The following MYL6B variants were observed in gnomAD, a reference collection of about 807,000 sequenced individuals.
The protein encoded by MYL6B is myosin alkali light chain 1 slow a.
A neutral mutation model predicts 24.5 loss-of-function variants in MYL6B; 19 were observed. The ratio of observed to expected loss-of-function variants is 0.78; its 90% CI spans 0.54 to 1.14. The LOEUF (loss-of-function observed/expected upper bound fraction) is 1.14, where lower values mean the gene tolerates loss of function less well. Among genes scored for constraint, MYL6B ranks in the 50% most tolerant of loss-of-function variants. The pLI is 0.00. For synonymous variants in MYL6B, 90 were observed against 100.7 expected, an observed-to-expected ratio of 0.89 and a Z score of 0.64; for missense variants, 230 against 263.8, an observed-to-expected ratio of 0.87 and a Z score of 0.89.
intron 5 of MYL6B, chr12:56,156,039 C>T: frequency 9.0e-7 from 1 of 1,105,190 alleles, no homozygotes. Flanking sequence ...GGTATGGTGG[C>T]TCACGCCTGT....
At chr12:56,153,550 T>TC in intron 1 of MYL6B, 1 of 901,572 alleles carries the variant, frequency 1.1e-6, no homozygotes, top group Non-Finnish European at 1.3e-6. Context: ...AGCTGCTGGA[T>TC]CACCTGCTTT....
chr12:56,156,622 A>C (rs1871318009), intron 5 of MYL6B, among the ~76,000 whole-genome samples: 1 of 151,850 alleles, frequency 6.6e-6, no homozygotes, highest in African/African-American at 2.4e-5. Context: ...GCAAAACAGC[A>C]TGGGCTGGCC....
intron 1 of MYL6B, 74 bp downstream of exon 1, chr12:56,152,705 T>TGTGG (rs1871149112): frequency 6.6e-6 from 1 of 151,752 alleles, no homozygotes; most frequent in Non-Finnish European, 1.5e-5. Context: ...TGTGTGTGTG[T>TGTGG]GTGTGTCGTG....
intron 2 of MYL6B, 129 bp from the exon 3 acceptor site, chr12:56,154,684 A>G (rs1871238754): frequency 1.0e-6 from 1 of 979,466 alleles, no homozygotes; most frequent in East Asian, 2.4e-5. Flanking sequence ...AATGGGACTG[A>G]GGTGGCTGGG....
exon 7 of MYL6B, chr12:56,157,912 A>G: frequency 1.6e-6 from 1 of 644,628 alleles, no homozygotes; most frequent in Non-Finnish European, 2.6e-6. Flanking sequence ...TGGGCCCCGC[A>G]GGCGAAAGCA....
chr12:56,153,553 C>A, intron 1 of MYL6B: 1 of 870,786 alleles, frequency 1.1e-6, no homozygotes, highest in Non-Finnish European at 1.4e-6. Context: ...TGCTGGATCA[C>A]CTGCTTTGCC....
At chr12:56,155,762 C>A (rs978752815) in intron 5 of MYL6B, 170 bp downstream of exon 5, 4 of 1,526,944 alleles carry the variant, frequency 2.6e-6, no homozygotes, top group Admixed American at 2.0e-5. Flanking sequence ...AGGACTCGCT[C>A]TTCCAGAGGC....
chr12:56,153,060 G>T (rs574082277), intron 1 of MYL6B, among the ~76,000 whole-genome samples: 2 of 152,122 alleles, frequency 1.3e-5, no homozygotes, highest in Admixed American at 1.3e-4. Context: ...AATTTAAGCC[G>T]TCTCCCAGAG....
exon 6 of MYL6B, chr12:56,157,475 G>C (rs1186713861): frequency 6.2e-7 from 1 of 1,614,116 alleles, no homozygotes; most frequent in South Asian, 1.1e-5. Context: ...CAGGAGAGAA[G>C]ATGACTGAGG....
At chr12:56,154,191 G>A in intron 2 of MYL6B, 99 bp downstream of exon 2, 2 of 1,257,126 alleles carry the variant, frequency 1.6e-6, no homozygotes, top group South Asian at 3.1e-5. Flanking sequence ...GGGAATCAGT[G>A]AGCCCTGGAA....
intron 1 of MYL6B, chr12:56,153,513 C>T: frequency 1.0e-6 from 1 of 981,730 alleles, no homozygotes; most frequent in Non-Finnish European, 1.2e-6. Context: ...GGCTGCTACC[C>T]CTCACCCCAC....
chr12:56,157,807 A>G (rs1871398861), exon 7 of MYL6B: 1 of 1,551,136 alleles, frequency 6.4e-7, no homozygotes, highest in Non-Finnish European at 8.8e-7. Flanking sequence ...CAACATAGAA[A>G]AGCAGCGGAG....
rs1871261793 is a variant in MYL6B at position 56,155,218 on chromosome 12, C to T, written c.346+20C>T. On this transcript the variant is annotated intron_variant, in intron 4 of 6. Transcript: ENST00000553066. The stretch of plus-strand genomic sequence containing the variant: ...GTGATGGTGAGGGGACCCTTGGGAA[C>T]AATTTGGGTTTTTAGTTTTCAAAAG... The T allele has an allele frequency of 2.5e-6, 4 of 1,576,380 alleles. No homozygotes were observed. Among genetic ancestry groups the T allele is most frequent in the South Asian group, 1.2e-5 (1 of 86,008 alleles).
exon 2 of MYL6B, chr12:56,153,977 C>T: frequency 6.2e-7 from 1 of 1,614,092 alleles, no homozygotes; most frequent in Non-Finnish European, 8.5e-7. Flanking sequence ...ATCTCCAAAC[C>T]TGCTGCTAAG....
At chr12:56,154,049 C>T (rs1410399916) in exon 2 of MYL6B, 10 of 1,614,024 alleles carry the variant, frequency 6.2e-6, no homozygotes, top group Admixed American at 1.7e-5. Flanking sequence ...CCCCAGGCCC[C>T]TCAGAAAACC....
exon 5 of MYL6B, chr12:56,155,584 C>T (rs531594483): frequency 1.2e-6 from 2 of 1,612,564 alleles, no homozygotes; most frequent in South Asian, 2.2e-5. Flanking sequence ...CATGTTCTCA[C>T]CACCCTTGGT....
intron 1 of MYL6B, among the ~76,000 whole-genome samples, chr12:56,153,071 C>T (rs548726178): frequency 1.3e-5 from 2 of 152,042 alleles, no homozygotes; most frequent in Non-Finnish European, 2.9e-5. Context: ...TCTCCCAGAG[C>T]CTGCCCTTCT....
At chr12:56,157,716 T>C in exon 7 of MYL6B, 3 of 1,612,576 alleles carry the variant, frequency 1.9e-6, no homozygotes, top group Non-Finnish European at 2.5e-6. Flanking sequence ...AAACACATCC[T>C]AAGCGTCTGA....
exon 4 of MYL6B, chr12:56,155,125 C>G (rs140458658): frequency 6.2e-7 from 1 of 1,614,030 alleles, no homozygotes; most frequent in South Asian, 1.1e-5. Context: ...AGTGTGGGGA[C>G]GTGATGAGGG....
Sources: allele counts gnomAD v4.1 joint callset (sites outside exome capture counted in the v4.1 genomes callset), GRCh38; gene constraint gnomAD v4.1.1; transcripts MANE v1.5; gene names NCBI Gene and HGNC (gene_info 2026-07-23, HGNC 2026-07-21).